MAML2: variants seen among roughly 807,000 people sequenced by gnomAD.
MAML2 encodes mastermind like transcriptional coactivator 2, also known as mastermind-like protein 2.
A neutral mutation model predicts 96.1 loss-of-function variants in MAML2; 22 were observed. The ratio of observed to expected loss-of-function variants is 0.23; its 90% CI spans 0.16 to 0.33. The LOEUF (loss-of-function observed/expected upper bound fraction) is 0.33. Among genes scored for constraint, MAML2 ranks in the 10% least tolerant of loss-of-function variants. MAML2 has a pLI of 1.00. For missense variants in MAML2, 1,367 were observed against 1,392.4 expected (o/e 0.98, Z 0.29); for synonymous variants, 561 against 521.3 (o/e 1.08, Z -1.04).
intron 1 of MAML2, among the ~76,000 whole-genome samples, chr11:96,266,721 C>T (rs780935934): frequency 4.6e-5 from 7 of 152,108 alleles, no homozygotes; most frequent in Non-Finnish European, 1.0e-4. Flanking sequence ...ATATTAAGAC[C>T]TAGGTGCTTA....
intron 2 of MAML2, among the ~76,000 whole-genome samples, chr11:96,017,649 C>A (rs1001813121): frequency 5.9e-5 from 9 of 152,072 alleles, no homozygotes; most frequent in African/African-American, 2.2e-4. Context: ...GTAGGGTGAG[C>A]AGAGAAGACT....
rs72133828 is a variant in MAML2 at position 96,212,108 on chromosome 11, AGTGTGTGTGT to A, written c.514-118601_514-118592del. ...AATTTAGGCTATAAAAGGAAGACAA[AGTGTGTGTGT>A]GTGTGTGTGTGTGTGTGTGTGTGTG... On this transcript the variant is annotated intron_variant, in intron 1 of 4. Transcript: ENST00000524717. 3.5e-3 allele frequency among the ~76,000 whole-genome samples: 474 copies of A among 134,228 alleles called. 2 individuals are homozygous for A. Among genetic ancestry groups the A allele is most frequent in the Middle Eastern group, 0.011 (3 of 272 alleles). The allele number at this position is 134,228 out of a possible 152,430, so 88.1% of individuals were successfully genotyped here. A position where few individuals can be genotyped will look rare whatever the true frequency, so the allele number is the denominator to read the frequency against.
At chr11:96,240,593 T>G (rs116008073) in intron 1 of MAML2, among the ~76,000 whole-genome samples, 1,541 of 123,040 alleles carry the variant, frequency 0.013, 43 homozygotes, top group African/African-American at 0.042. Flanking sequence ...AGAAAGCTGA[T>G]GAACTGTCTG....
intron 2 of MAML2, among the ~76,000 whole-genome samples, chr11:96,083,903 T>C (rs1398696551): frequency 6.6e-6 from 1 of 152,056 alleles, no homozygotes; most frequent in Non-Finnish European, 1.5e-5. Context: ...CCAGACCATA[T>C]AGGATGGGAG....
chr11:96,135,803 C>T (rs1195561985), intron 1 of MAML2, among the ~76,000 whole-genome samples: 1 of 149,030 alleles, frequency 6.7e-6, no homozygotes, highest in Non-Finnish European at 1.5e-5. Context: ...GTGGAGGTTG[C>T]AGTGAGCCAA....
chr11:96,221,644 G>C (rs1862139521), intron 1 of MAML2, among the ~76,000 whole-genome samples: 1 of 148,108 alleles, frequency 6.8e-6, no homozygotes, highest in African/African-American at 2.5e-5. Flanking sequence ...TGAGCTCTTT[G>C]CTTCTGCACA....
chr11:96,127,773 A>G (rs1860473067), intron 1 of MAML2, among the ~76,000 whole-genome samples: 2 of 152,206 alleles, frequency 1.3e-5, no homozygotes, highest in South Asian at 4.1e-4. Flanking sequence ...GGGGCAATAA[A>G]AATGAAGCAA....
At chr11:95,994,655 G>A (rs930626757) in intron 2 of MAML2, among the ~76,000 whole-genome samples, 21 of 152,182 alleles carry the variant, frequency 1.4e-4, no homozygotes, top group African/African-American at 4.8e-4. Context: ...GAATGTATTG[G>A]AGATGGTAGT....
intron 1 of MAML2, among the ~76,000 whole-genome samples, chr11:96,314,869 C>T (rs942467949): frequency 6.6e-6 from 1 of 152,194 alleles, no homozygotes; most frequent in Non-Finnish European, 1.5e-5. Flanking sequence ...AATCCAGACT[C>T]TAGGCCAGAG....
chr11:96,013,632 G>T (rs117962073), intron 2 of MAML2, among the ~76,000 whole-genome samples: 1,750 of 152,238 alleles, frequency 0.011, 29 homozygotes, highest in South Asian at 0.058. Context: ...AGACACAAAG[G>T]CAGCCAGACG....
At chr11:96,232,708 C>T (rs1263110846) in intron 1 of MAML2, among the ~76,000 whole-genome samples, 5 of 152,102 alleles carry the variant, frequency 3.3e-5, no homozygotes, top group African/African-American at 7.2e-5. Flanking sequence ...CCTGACCTCG[C>T]GATCCGCCTA....
chr11:96,034,952 G>A (rs1417155703), intron 2 of MAML2, among the ~76,000 whole-genome samples: 2 of 152,110 alleles, frequency 1.3e-5, no homozygotes, highest in Admixed American at 1.3e-4. Flanking sequence ...GTGTCCAAGA[G>A]GTTTAGTTTA....
intron 1 of MAML2, among the ~76,000 whole-genome samples, chr11:96,179,142 T>C (rs1861443319): frequency 6.6e-6 from 1 of 152,210 alleles, no homozygotes; most frequent in Non-Finnish European, 1.5e-5. Flanking sequence ...TAGTGCTGCA[T>C]GTTGTGACAA....
intron 1 of MAML2, among the ~76,000 whole-genome samples, chr11:96,266,929 T>G (rs1313237319): frequency 6.6e-6 from 1 of 152,208 alleles, no homozygotes; most frequent in Non-Finnish European, 1.5e-5. Flanking sequence ...AAACATAACG[T>G]TATTGAGAAG....
At chr11:96,106,781 T>C (rs1031554143) in intron 1 of MAML2, among the ~76,000 whole-genome samples, 1 of 152,130 alleles carries the variant, frequency 6.6e-6, no homozygotes, top group Non-Finnish European at 1.5e-5. Context: ...TAATCCAAGA[T>C]GTCAGCAGGA....
chr11:96,311,164 G>T (rs1863537357), intron 1 of MAML2, among the ~76,000 whole-genome samples: 1 of 152,344 alleles, frequency 6.6e-6, no homozygotes, highest in African/African-American at 2.4e-5. Context: ...TCTAGGTCCA[G>T]ATAGCTTTTT....
intron 3 of MAML2, among the ~76,000 whole-genome samples, chr11:95,988,208 G>C (rs567122259): frequency 3.3e-5 from 5 of 151,816 alleles, no homozygotes; most frequent in Non-Finnish European, 7.4e-5. Flanking sequence ...TCCCATCATA[G>C]ACTATATTGT....
At chr11:96,231,034 A>T (rs1232475278) in intron 1 of MAML2, among the ~76,000 whole-genome samples, 1 of 152,016 alleles carries the variant, frequency 6.6e-6, no homozygotes, top group Non-Finnish European at 1.5e-5. Flanking sequence ...AGGCATGAGT[A>T]TTTAATGACA....
chr11:96,026,483 A>G (rs1349690632), intron 2 of MAML2, among the ~76,000 whole-genome samples: 1 of 152,162 alleles, frequency 6.6e-6, no homozygotes, highest in Non-Finnish European at 1.5e-5. Context: ...TACCGTGGTG[A>G]GATGATGCAT....
Sources: gnomAD v4.1 joint callset for allele counts (sites outside exome capture counted in the v4.1 genomes callset) on GRCh38, gnomAD v4.1.1 for gene constraint, MANE v1.5 for transcripts, NCBI Gene and HGNC (gene_info 2026-07-23, HGNC 2026-07-21) for gene names.